Variants in PVR observed in about 807,000 individuals in gnomAD.
PVR encodes the protein PVR cell adhesion molecule, also known as poliovirus receptor.
A neutral mutation model predicts 43.3 loss-of-function variants in PVR; 39 were observed. The ratio of observed to expected loss-of-function variants is 0.90; its 90% confidence interval spans 0.70 to 1.18. The LOEUF (loss-of-function observed/expected upper bound fraction) is 1.18, where lower values mean the gene tolerates loss of function less well. Among genes scored for constraint, PVR ranks in the 50% most tolerant of loss-of-function variants. PVR has a pLI of 0.00. For missense variants in PVR, 480 were observed against 549.7 expected (o/e 0.87, Z 1.27); for synonymous variants, 224 against 233.2 (o/e 0.96, Z 0.36).
At chr19:44,644,546 G>C (rs1347463438) in intron 1 of PVR, among the ~76,000 whole-genome samples, 1 of 151,990 alleles carries the variant, frequency 6.6e-6, no homozygotes, top group Non-Finnish European at 1.5e-5. Context: ...CCTTACCCAG[G>C]TTCCTGCTCA....
chr19:44,653,862 C>A, intron 3 of PVR, 38 bp from the exon 4 acceptor site: 2 of 1,449,552 alleles, frequency 1.4e-6, no homozygotes, highest in Non-Finnish European at 1.9e-6. Context: ...CCCCCCAAAG[C>A]CTCCCAGTCT....
At position 44,662,033 on chromosome 19, in the gene PVR, C is replaced by A; in HGVS notation, c.*222C>A. ...CACTAGACTCAGGAAAGCTGTTAGG[C>A]TCACAGTTACAGTTTATTACAGTAA... is the stretch of plus-strand genomic sequence containing the variant. On this transcript the variant is annotated 3_prime_UTR_variant, in exon 8 of 8. Transcript: ENST00000425690. 1 of 574,236 alleles carries A rather than the reference C, an allele frequency of 1.7e-6. No homozygotes were observed. The highest frequency in any genetic ancestry group is 3.1e-6 in the Non-Finnish European group (1 of 320,382). The allele number at this position is 574,236 out of a possible 1,614,324, so 35.6% of individuals were successfully genotyped here. A position where few individuals can be genotyped will look rare whatever the true frequency, so the allele number is the denominator to read the frequency against.
rs1272703779 is a variant in PVR at position 44,648,473 on chromosome 19, C to CA, written c.427+910dup. Reference sequence around the variant, plus strand: ...TGGGATAGGGATCACCATGAGGATTCAAAAAAACTGACCCTTTTTTTTTTT... The same window carrying CA: ...TGGGATAGGGATCACCATGAGGATTCAAAAAAAACTGACCCTTTTTTTTTTT... On this transcript the variant is annotated intron_variant, in intron 2 of 7. Coordinates refer to ENST00000425690, the MANE Select transcript of PVR (RefSeq NM_006505.5). 7.3e-5 allele frequency among the ~76,000 whole-genome samples: 11 copies of CA among 150,706 alleles called. 1 individual carries two copies. Among genetic ancestry groups the CA allele is most frequent in the Non-Finnish European group, 1.6e-4 (11 of 67,698 alleles).
chr19:44,646,971 G>A (rs1416302932), intron 1 of PVR, among the ~76,000 whole-genome samples: 2 of 152,174 alleles, frequency 1.3e-5, no homozygotes, highest in African/African-American at 4.8e-5. Flanking sequence ...AATAATAGAA[G>A]AAATACGGTA....
intron 6 of PVR, among the ~76,000 whole-genome samples, chr19:44,660,523 T>C (rs1473700882): frequency 1.3e-5 from 2 of 152,080 alleles, no homozygotes; most frequent in African/African-American, 4.8e-5. Flanking sequence ...TGTTTGTTTG[T>C]TTGTGTTTTG....
intron 3 of PVR, among the ~76,000 whole-genome samples, chr19:44,651,087 C>CAA (rs1205929140): frequency 2.0e-5 from 3 of 152,144 alleles, no homozygotes; most frequent in Non-Finnish European, 4.4e-5. Flanking sequence ...AGGCTGGTCT[C>CAA]AAACTCCTAG....
At position 44,653,179 on chromosome 19, in the gene PVR, C is replaced by T. The variant is rs141421156; in HGVS notation, c.725-721C>T. ...CACCACCACATTTTCAACACTGGCCCGACAATATAGCATCTGCTGTAATAT... is the reference window on the plus strand; with the variant it reads ...CACCACCACATTTTCAACACTGGCCTGACAATATAGCATCTGCTGTAATAT... On this transcript the variant is annotated intron_variant, in intron 3 of 7. Coordinates refer to ENST00000425690, the MANE Select transcript of PVR (RefSeq NM_006505.5). 8.5e-3 allele frequency among the ~76,000 whole-genome samples: 1,296 copies of T among 152,212 alleles called. 19 individuals are homozygous for T. Among genetic ancestry groups the T allele is most frequent in the African/African-American group, 0.03 (1,231 of 41,512 alleles).
At chr19:44,650,743 A>G (rs547962607) in intron 3 of PVR, among the ~76,000 whole-genome samples, 6 of 151,718 alleles carry the variant, frequency 4.0e-5, no homozygotes, top group Admixed American at 2.0e-4. Flanking sequence ...TTGTATTTTT[A>G]GTAGAGACAG....
chr19:44,656,367 G>T (rs1417682824), intron 4 of PVR, among the ~76,000 whole-genome samples: 6 of 152,188 alleles, frequency 3.9e-5, no homozygotes, highest in Non-Finnish European at 5.9e-5. Context: ...GTGTGATGGT[G>T]CCTTTACTGT....
Position 44,658,828 on chromosome 19 carries a change from G to T in PVR, c.1078G>T (p.Gly360Trp). Residue 360 changes from glycine to tryptophan, a missense_variant, in exon 6 of 8, where the codon GGG (glycine) becomes TGG (tryptophan). Transcript: ENST00000425690. ...AATCCTGGTTTTTCTGATCCTGCTGGGGATCGGGATTTATTTCTATTGGTC... is the reference window on the plus strand; with the variant it reads ...AATCCTGGTTTTTCTGATCCTGCTGTGGATCGGGATTTATTTCTATTGGTC... Reference protein sequence around the residue: ...LGILVFLILLGIGIYFYWSKC... With the variant: ...LGILVFLILLWIGIYFYWSKC... 2 of 1,614,042 alleles carry T rather than the reference G, an allele frequency of 1.2e-6. No homozygotes were observed. The highest frequency in any genetic ancestry group is 2.2e-5 in the South Asian group (2 of 91,082).
At chr19:44,648,946 G>C (rs931366218) in intron 2 of PVR, among the ~76,000 whole-genome samples, 1 of 152,222 alleles carries the variant, frequency 6.6e-6, no homozygotes, top group Non-Finnish European at 1.5e-5. Flanking sequence ...CCAGGATGAT[G>C]ATTAAGAGAT....
At chr19:44,658,041 A>G in intron 5 of PVR, 131 bp downstream of exon 5, 1 of 947,864 alleles carries the variant, frequency 1.1e-6, no homozygotes, top group South Asian at 1.6e-5. Flanking sequence ...GGCCAGCTTT[A>G]CTCCCCTGTT....
rs1327030309 is a variant in PVR at position 44,657,904 on chromosome 19, G to T, written c.985G>T (p.Val329Phe). The T allele has an allele frequency of 1.2e-6, 2 of 1,613,212 alleles. No individual in the cohort carries two copies. Among genetic ancestry groups the T allele is most frequent in the Admixed American group, 1.7e-5 (1 of 59,778 alleles). The change falls in exon 5 of 8, where the codon GTC becomes TTC. Residue 329 changes from valine to phenylalanine, a missense_variant. Transcript: ENST00000425690. ...TCGCCAGGCAGAACTGACCGTCCAG[G>T]TCAAAGGTGAGGAACTCCCTGGGTG... Reference protein sequence around the residue: ...GARQAELTVQVKEGPPSEHSG... With the variant: ...GARQAELTVQFKEGPPSEHSG...
rs1973638943 is a variant in PVR, at chr19:44,663,554, T to A, written c.*1743T>A. 6.6e-6 allele frequency: 1 copy of A among 152,104 alleles called. No homozygotes were observed. The highest frequency in any genetic ancestry group is 1.5e-5 in the Non-Finnish European group (1 of 68,042). 9.4% of individuals were successfully genotyped at this position (152,104 alleles called of 1,614,324 possible). ...CCTTGTCTGTCTCCAGCACCCAGAA[T>A]CTCATTAAAGCTTATTTATTGTACC... On this transcript the variant is annotated 3_prime_UTR_variant, in exon 8 of 8. Coordinates refer to ENST00000425690, the MANE Select transcript of PVR (RefSeq NM_006505.5).
intron 2 of PVR, among the ~76,000 whole-genome samples, chr19:44,648,035 A>G (rs1424664678): frequency 6.6e-6 from 1 of 152,180 alleles, no homozygotes; most frequent in Non-Finnish European, 1.5e-5. Flanking sequence ...CCATGAGGGC[A>G]GAACCGGGGC....
In PVR at chr19:44,645,160, ATGTATATTATATATTATATATAT is replaced by A. The variant is rs1599756106; in HGVS notation, c.79+987_79+1009del. Among the ~76,000 whole-genome samples the A allele has an allele frequency of 6.1e-5, 5 of 81,930 alleles. 1 individual carries two copies. In the East Asian group the frequency reaches 1.6e-3, roughly 26 times the overall value. The allele number at this position is 81,930 out of a possible 152,430, so 53.7% of individuals were successfully genotyped here. On this transcript the variant is annotated intron_variant, in intron 1 of 7. Transcript: ENST00000425690. ...TATATATATTATTATAATATATAAT[ATGTATATTATATATTATATATAT>A]TATTATAATATATAATATGTATATT... is the stretch of plus-strand genomic sequence containing the variant.
At chr19:44,647,734 G>A in intron 2 of PVR, among the ~76,000 whole-genome samples, 164 bp downstream of exon 2, 1 of 149,332 alleles carries the variant, frequency 6.7e-6, no homozygotes, top group Non-Finnish European at 1.5e-5. Flanking sequence ...GGGGTGGGGT[G>A]GGGGGAGGTG....
rs775515563 is a variant in PVR at position 44,664,127 on chromosome 19, T to A, written c.*2316T>A. Reference sequence around the variant, plus strand: ...CTAAAATGGCAAATTGTCTGTTATCTCTTTTTAACCACCATTTTTGAAAAT... The same window carrying A: ...CTAAAATGGCAAATTGTCTGTTATCACTTTTTAACCACCATTTTTGAAAAT... On this transcript the variant is annotated 3_prime_UTR_variant, in exon 8 of 8. Coordinates refer to ENST00000425690, the MANE Select transcript of PVR (RefSeq NM_006505.5). The A allele has an allele frequency of 1.2e-4, 19 of 152,194 alleles. No homozygotes were observed. The highest frequency in any genetic ancestry group is 3.3e-4 in the Admixed American group (5 of 15,274). The allele number at this position is 152,194 out of a possible 1,614,324, so 9.4% of individuals were successfully genotyped here.
intron 1 of PVR, 147 bp from the exon 2 acceptor site, chr19:44,647,076 T>TCCCCCCCCC: frequency 9.3e-6 from 1 of 107,484 alleles, no homozygotes; most frequent in South Asian, 1.8e-4. Context: ...AGTGCCCCAG[T>TCCCCCCCCC]TCCCCCTCCC....
Sources: gnomAD v4.1 joint callset for allele counts (sites outside exome capture counted in the v4.1 genomes callset) on GRCh38, gnomAD v4.1.1 for gene constraint, MANE v1.5 for transcripts, NCBI Gene and HGNC (gene_info 2026-07-23, HGNC 2026-07-21) for gene names.